The following PIP4K2B variants were observed in gnomAD, a reference collection of about 807,000 sequenced individuals.
PIP4K2B encodes phosphatidylinositol-5-phosphate 4-kinase type 2 beta, also known as phosphatidylinositol 5-phosphate 4-kinase type-2 beta.
PIP4K2B carries 3 observed loss-of-function variants against 42.0 expected under a neutral mutation model. The observed-to-expected ratio is 0.07, with a 90% CI of 0.03 to 0.18. The LOEUF is 0.18. PIP4K2B is among the 10% of genes least tolerant of loss of function. The probability of loss-of-function intolerance (pLI) is 1.00; values close to 1 mark genes in which losing one functional copy is unlikely to be tolerated. For missense variants in PIP4K2B, 332 were observed against 562.3 expected, an observed-to-expected ratio of 0.59 and a Z score of 4.14; for synonymous variants, 204 against 210.1, an observed-to-expected ratio of 0.97 and a Z score of 0.25.
rs228286 is a variant in PIP4K2B, at chr17:38,766,586, C to G, written c.*3105G>C. The G allele has an allele frequency of 0.31, 46,599 of 152,512 alleles. 7,925 individuals are homozygous for G. Among genetic ancestry groups the G allele is most frequent in the South Asian group, 0.46 (2,231 of 4,820 alleles). 9.4% of individuals were successfully genotyped at this position (152,512 alleles called of 1,614,324 possible). On this transcript the variant is annotated 3_prime_UTR_variant, in exon 10 of 10. Transcript: ENST00000619039. Reference sequence around the variant, plus strand: ...CAAAAGCACAGGCAAGAGAAAGAGTCAAGTAGGGAGAGGGGATAAAGAGCT... The same window carrying G: ...CAAAAGCACAGGCAAGAGAAAGAGTGAAGTAGGGAGAGGGGATAAAGAGCT...
At chr17:38,781,887 A>T (rs1031018565) in intron 3 of PIP4K2B, among the ~76,000 whole-genome samples, 18 of 151,374 alleles carry the variant, frequency 1.2e-4, no homozygotes, top group African/African-American at 4.1e-4. Flanking sequence ...ATCATAGCTC[A>T]CTGCAGCCTT....
At chr17:38,783,885 G>A in intron 3 of PIP4K2B, among the ~76,000 whole-genome samples, 1 of 152,184 alleles carries the variant, frequency 6.6e-6, no homozygotes, top group Admixed American at 6.5e-5. Flanking sequence ...ACAGGCATAA[G>A]CCACCATGCC....
rs1910848512 is a variant in PIP4K2B at position 38,799,519 on chromosome 17, C to T, written c.-95G>A. ...GCCTCCCCCGGACCGATCCCCACCC[C>T]CGCTCCCTCACCGCGCCATGGTCGC... is the stretch of plus-strand genomic sequence containing the variant. On this transcript the variant is annotated 5_prime_UTR_variant, in exon 1 of 10. Transcript: ENST00000619039. This position sits in a 1 kb window ranked among gnomAD's most constrained non-coding sequence, Gnocchi z 4.4. 3 of 1,343,542 alleles carry T rather than the reference C, an allele frequency of 2.2e-6. No individual in the cohort carries two copies. Among genetic ancestry groups the T allele is most frequent in the African/African-American group, 1.5e-5 (1 of 64,742 alleles). The allele number at this position is 1,343,542 out of a possible 1,614,324, so 83.2% of individuals were successfully genotyped here. A position where few individuals can be genotyped will look rare whatever the true frequency, so the allele number is the denominator to read the frequency against.
At chr17:38,775,915 G>C in intron 7 of PIP4K2B, 1 of 407,950 alleles carries the variant, frequency 2.5e-6, no homozygotes, top group Non-Finnish European at 4.7e-6. Context: ...CAGTATGGAT[G>C]AACCCTGAAG....
chr17:38,778,254 G>T (rs1909479229), intron 6 of PIP4K2B, 80 bp downstream of exon 6: 2 of 1,292,540 alleles, frequency 1.5e-6, no homozygotes, highest in South Asian at 2.4e-5. Context: ...AGGGGCTGGG[G>T]TGGGCGAGGG....
intron 7 of PIP4K2B, among the ~76,000 whole-genome samples, chr17:38,772,638 C>T (rs980421001): frequency 2.6e-5 from 4 of 152,172 alleles, no homozygotes; most frequent in African/African-American, 7.2e-5. Context: ...CTAGAGTGCA[C>T]TGGTGCAATC....
intron 1 of PIP4K2B, among the ~76,000 whole-genome samples, chr17:38,796,208 T>C (rs1567664688): frequency 1.3e-5 from 2 of 152,140 alleles, no homozygotes; most frequent in Admixed American, 6.5e-5. Context: ...TTAATAACTT[T>C]AAAAAGACAA....
Position 38,787,878 on chromosome 17 carries a change from G to A in PIP4K2B, c.160-958C>T, listed in dbSNP as rs192632586. Among the ~76,000 whole-genome samples, 1,254 of 152,296 alleles carry A rather than the reference G, an allele frequency of 8.2e-3. 10 individuals are homozygous for A. Among genetic ancestry groups the A allele is most frequent in the Non-Finnish European group, 0.013 (883 of 68,022 alleles). ...CTCCCAAAGTGTTGGGATTACAGGC[G>A]TGAGCCACCACGCTCGGCTTTAATT... On this transcript the variant is annotated intron_variant, in intron 1 of 9. Transcript: ENST00000619039.
At chr17:38,772,077 G>T (rs1303254380) in intron 7 of PIP4K2B, among the ~76,000 whole-genome samples, 2 of 152,056 alleles carry the variant, frequency 1.3e-5, no homozygotes, top group Non-Finnish European at 2.9e-5. Flanking sequence ...AAGAAATAAT[G>T]AAATGATATA....
Position 38,771,038 on chromosome 17 carries a change from C to T in PIP4K2B, c.1042G>A (p.Val348Ile). ...GPGEFDPSVD[V>I]YAMKSHESSP... ...CTTTCATGGCTTTTCATGGCATAGA[C>T]GTCAACAGAGGGGTCGAATTCCCCA... The change falls in exon 8 of 10, where the codon GTC becomes ATC. Residue 348 changes from valine to isoleucine, a missense_variant. Coordinates refer to ENST00000619039, the MANE Select transcript of PIP4K2B (RefSeq NM_003559.5). The T allele has an allele frequency of 1.9e-6, 3 of 1,614,078 alleles. No homozygotes were observed. The highest frequency in any genetic ancestry group is 2.2e-5 in the East Asian group (1 of 44,882).
chr17:38,785,536 G>A (rs1229912886), intron 2 of PIP4K2B, among the ~76,000 whole-genome samples: 12 of 152,026 alleles, frequency 7.9e-5, no homozygotes, highest in South Asian at 2.1e-4. Context: ...AAAATTAGCC[G>A]GGCGTGGTGG....
rs1327111376 is a variant in PIP4K2B at position 38,799,042 on chromosome 17, G to T, written c.159+224C>A. ...CGCAGGAAGCCAGAAGGGCTGGAGGGAAGGGGAGGTGGCGACGGCAGACCA... is the reference window on the plus strand; with the variant it reads ...CGCAGGAAGCCAGAAGGGCTGGAGGTAAGGGGAGGTGGCGACGGCAGACCA... On this transcript the variant is annotated intron_variant, in intron 1 of 9. Transcript: ENST00000619039. The surrounding 1 kb of genome is among the most constrained non-coding windows in gnomAD (Gnocchi z 4.4). 1.3e-5 allele frequency among the ~76,000 whole-genome samples: 2 copies of T among 152,238 alleles called. No homozygotes were observed. The highest frequency in any genetic ancestry group is 2.9e-5 in the Non-Finnish European group (2 of 68,040).
At chr17:38,797,138 TCAA>T (rs1271263897) in intron 1 of PIP4K2B, among the ~76,000 whole-genome samples, 5 of 152,176 alleles carry the variant, frequency 3.3e-5, no homozygotes, top group Non-Finnish European at 5.9e-5. Context: ...TTGCTTAAAG[TCAA>T]TGCCTTTCCA....
At position 38,767,133 on chromosome 17, in the gene PIP4K2B, G is replaced by GT. The variant is rs774461376; in HGVS notation, c.*2557dup. ...GCCCCAGGGAGTGAGGCTGAGGGCA[G>GT]TCACTTCCCCTCCAATGCCCTCGAC... is the stretch of plus-strand genomic sequence containing the variant. On this transcript the variant is annotated 3_prime_UTR_variant, in exon 10 of 10. Transcript: ENST00000619039. 2.6e-5 allele frequency: 4 copies of GT among 152,236 alleles called. No homozygotes were observed. Among genetic ancestry groups the GT allele is most frequent in the Non-Finnish European group, 4.4e-5 (3 of 68,046 alleles). 9.4% of individuals were successfully genotyped at this position (152,236 alleles called of 1,614,324 possible). A position where few individuals can be genotyped will look rare whatever the true frequency, so the allele number is the denominator to read the frequency against.
At chr17:38,792,620 C>T (rs993826156) in intron 1 of PIP4K2B, 2 of 152,210 alleles carry the variant, frequency 1.3e-5, no homozygotes, top group African/African-American at 4.8e-5. Context: ...GGTTTCCTGA[C>T]ATGTTCCAGT....
In PIP4K2B at chr17:38,769,318, C is replaced by T. The variant is rs1022346201; in HGVS notation, c.*373G>A. 4.5e-6 allele frequency: 1 copy of T among 219,892 alleles called. No individual in the cohort carries two copies. The highest frequency in any genetic ancestry group is 9.0e-6 in the Non-Finnish European group (1 of 111,026). 13.6% of individuals were successfully genotyped at this position (219,892 alleles called of 1,614,324 possible). ...ATGAAATATGATTATAAATAGCAAA[C>T]CTGGAGCAATGAAATTTCAGAAACA... On this transcript the variant is annotated 3_prime_UTR_variant, in exon 10 of 10. Coordinates refer to ENST00000619039, the MANE Select transcript of PIP4K2B (RefSeq NM_003559.5).
chr17:38,789,086 C>T (rs1910202837), intron 1 of PIP4K2B, among the ~76,000 whole-genome samples: 1 of 152,188 alleles, frequency 6.6e-6, no homozygotes, highest in South Asian at 2.1e-4. Flanking sequence ...CACTGCACTG[C>T]ACTCTAGCCT....
intron 3 of PIP4K2B, among the ~76,000 whole-genome samples, chr17:38,783,200 A>G (rs1359377294): frequency 2.0e-5 from 3 of 150,460 alleles, no homozygotes; most frequent in Non-Finnish European, 3.0e-5. Flanking sequence ...CATCTCAAAA[A>G]AAAAAAAAAA....
At chr17:38,778,119 A>AAGAACGT (rs1909470282) in intron 6 of PIP4K2B, among the ~76,000 whole-genome samples, 1 of 152,224 alleles carries the variant, frequency 6.6e-6, no homozygotes, top group Admixed American at 6.5e-5. Context: ...CAGGACTATG[A>AAGAACGT]AGAACGTAGT....
Sources: gnomAD v4.1 joint callset for allele counts (sites outside exome capture counted in the v4.1 genomes callset) on GRCh38, gnomAD v4.1.1 for gene constraint, Gnocchi (gnomAD v3.1) non-coding constraint, MANE v1.5 for transcripts, NCBI Gene and HGNC (gene_info 2026-07-23, HGNC 2026-07-21) for gene names.